ADAMTSL2: variants seen among roughly 807,000 people sequenced by gnomAD.
ADAMTSL2 encodes the protein ADAMTS like 2.
In ADAMTSL2, 55 loss-of-function variants were observed where a neutral mutation model predicts 117.0. The observed-to-expected ratio is 0.47, with a 90% CI of 0.38 to 0.59. The LOEUF (loss-of-function observed/expected upper bound fraction) is 0.59. Among genes scored for constraint, ADAMTSL2 ranks in the 20% least tolerant of loss-of-function variants. The pLI is 0.00. For missense variants in ADAMTSL2, 1,182 were observed against 1,354.5 expected, an observed-to-expected ratio of 0.87 and a Z score of 2.00; for synonymous variants, 572 against 566.4, an observed-to-expected ratio of 1.01 and a Z score of -0.14.
chr9:133,570,675 G>A (rs888899032), intron 17 of ADAMTSL2, among the ~76,000 whole-genome samples, 168 bp downstream of exon 17: 1 of 152,204 alleles, frequency 6.6e-6, no homozygotes, highest in Non-Finnish European at 1.5e-5. Context: ...ACGTCAGCTG[G>A]TGCGAGAGCC....
rs1233972231 is a variant in ADAMTSL2 at position 133,574,978 on chromosome 9, G to C, written c.*114G>C. The C allele has an allele frequency of 3.7e-6, 3 of 803,590 alleles. No individual in the cohort carries two copies. In the African/African-American group the frequency reaches 5.1e-5, roughly 14 times the overall value. The allele number at this position is 803,590 out of a possible 1,614,324, so 49.8% of individuals were successfully genotyped here. Reference sequence around the variant, plus strand: ...TGCGGGGCACGCTGGCCTAAGAGACGTGGCACTGAGCCTCGGCTGTCGAGA... The same window carrying C: ...TGCGGGGCACGCTGGCCTAAGAGACCTGGCACTGAGCCTCGGCTGTCGAGA... On this transcript the variant is annotated 3_prime_UTR_variant, in exon 19 of 19. Transcript: ENST00000651351.
rs371880431 is a variant in ADAMTSL2 at position 133,558,581 on chromosome 9, C to T, written c.1650-2617C>T. 2.7e-4 allele frequency among the ~76,000 whole-genome samples: 41 copies of T among 152,284 alleles called. No individual in the cohort carries two copies. The highest frequency in any genetic ancestry group is 9.4e-4 in the African/African-American group (39 of 41,554). The stretch of plus-strand genomic sequence containing the variant: ...TTTCTGGCTTGTTTATAAACAAACA[C>T]GGTGGCTTCAGAGCTTCTCCTGCCT... On this transcript the variant is annotated intron_variant, in intron 11 of 18. Coordinates refer to ENST00000651351, the MANE Select transcript of ADAMTSL2 (RefSeq NM_014694.4). The surrounding 1 kb of genome is among the most constrained non-coding windows in gnomAD (Gnocchi z 4.3).
At position 133,561,285 on chromosome 9, in the gene ADAMTSL2, C is replaced by T; in HGVS notation, c.1737C>T (p.Thr579=). The part of the protein sequence containing the change: ...KLSSHEPCSA[T]CTTGVMSAYA... ...CGTCCCACGAGCCCTGCAGTGCCAC[C>T]TGCACCACAGGTACTGGTCACGGGT... The change falls in exon 12 of 19, where the codon ACC becomes ACT. Residue 579 remains threonine, a synonymous_variant. Coordinates refer to ENST00000651351, the MANE Select transcript of ADAMTSL2 (RefSeq NM_014694.4). 1 of 1,596,106 alleles carries T rather than the reference C, an allele frequency of 6.3e-7. No individual in the cohort carries two copies. Among genetic ancestry groups the T allele is most frequent in the Non-Finnish European group, 8.5e-7 (1 of 1,171,516 alleles).
At chr9:133,542,971 GGA>G (rs1830260661) in intron 7 of ADAMTSL2, among the ~76,000 whole-genome samples, 1 of 150,722 alleles carries the variant, frequency 6.6e-6, no homozygotes, top group Non-Finnish European at 1.5e-5. Flanking sequence ...TTTTTGAGAC[GGA>G]GTTTTGTTCT....
intron 4 of ADAMTSL2, among the ~76,000 whole-genome samples, chr9:133,538,828 C>T (rs1564492667): frequency 6.6e-6 from 1 of 152,126 alleles, no homozygotes; most frequent in Non-Finnish European, 1.5e-5. Context: ...TAAAACAGTT[C>T]CCTGGGTTGC....
rs1830549703 is a variant in ADAMTSL2, at chr9:133,554,150, C to T, written c.940-207C>T. Among the ~76,000 whole-genome samples the T allele has an allele frequency of 6.6e-6, 1 of 152,220 alleles. No homozygotes were observed. Among genetic ancestry groups the T allele is most frequent in the Non-Finnish European group, 1.5e-5 (1 of 68,030 alleles). ...CACTCCCCCCACCACACATCCCCAG[C>T]CCCCGCCCTGTTCCCAGGCTCTTTG... On this transcript the variant is annotated intron_variant, in intron 9 of 18. Coordinates refer to ENST00000651351, the MANE Select transcript of ADAMTSL2 (RefSeq NM_014694.4). This position sits in a 1 kb window ranked among gnomAD's most constrained non-coding sequence, Gnocchi z 5.2.
At chr9:133,548,358 G>C (rs1830401905) in intron 9 of ADAMTSL2, among the ~76,000 whole-genome samples, 1 of 152,210 alleles carries the variant, frequency 6.6e-6, no homozygotes, top group African/African-American at 2.4e-5. Flanking sequence ...TCAAATGGGG[G>C]CCACGCATCT....
chr9:133,564,531 A>G (rs1375761211), intron 12 of ADAMTSL2, among the ~76,000 whole-genome samples: 1 of 78,600 alleles, frequency 1.3e-5, no homozygotes, highest in Non-Finnish European at 2.5e-5. Flanking sequence ...AGAGAGAGAG[A>G]GACAGAGAGG....
intron 3 of ADAMTSL2, 30 bp downstream of exon 3, chr9:133,537,577 G>C: frequency 7.5e-7 from 1 of 1,335,960 alleles, no homozygotes; most frequent in Non-Finnish European, 9.7e-7. Flanking sequence ...GCCCTGAGGG[G>C]ATGGCATGAG....
chr9:133,539,513 A>G (rs1290575947), intron 4 of ADAMTSL2, among the ~76,000 whole-genome samples: 1 of 152,084 alleles, frequency 6.6e-6, no homozygotes, highest in Non-Finnish European at 1.5e-5. Context: ...CGTGGTGGGG[A>G]CTGGGAGGGT....
upstream of ADAMTSL2, chr9:133,532,392 T>G (rs1225780810): frequency 6.6e-6 from 1 of 152,244 alleles, no homozygotes; most frequent in Non-Finnish European, 1.5e-5. Flanking sequence ...AGACAGGATT[T>G]TACCATGTTG....
In ADAMTSL2 at chr9:133,567,176, C is replaced by T. The variant is rs3829100; in HGVS notation, c.1874+114C>T. 1,068 of 1,360,192 alleles carry T rather than the reference C, an allele frequency of 7.9e-4. 9 individuals are homozygous for T. In the East Asian group the frequency reaches 0.021, roughly 26 times the overall value. 84.3% of individuals were successfully genotyped at this position (1,360,192 alleles called of 1,614,324 possible). Reference sequence around the variant, plus strand: ...CGTAGAGGTTCTTCGTGTGCAGGGCCGTGGGGGCTCTTCGAGGAGGGGCAT... The same window carrying T: ...CGTAGAGGTTCTTCGTGTGCAGGGCTGTGGGGGCTCTTCGAGGAGGGGCAT... On this transcript the variant is annotated intron_variant, in intron 13 of 18. Transcript: ENST00000651351.
At chr9:133,533,354 A>G (rs553156172), upstream of ADAMTSL2, among the ~76,000 whole-genome samples, 2 of 152,254 alleles carry the variant, frequency 1.3e-5, no homozygotes, top group South Asian at 2.1e-4. Context: ...CAGCAGGAGA[A>G]TGAGATGAAT....
chr9:133,543,814 CCTT>C (rs768154804), intron 7 of ADAMTSL2, among the ~76,000 whole-genome samples: 11 of 152,250 alleles, frequency 7.2e-5, no homozygotes, highest in Non-Finnish European at 1.3e-4. Context: ...CAATGCCTCT[CCTT>C]CTCTGAGCAC....
chr9:133,532,703 T>C (rs1422848733), upstream of ADAMTSL2: 1 of 152,222 alleles, frequency 6.6e-6, no homozygotes, highest in Non-Finnish European at 1.5e-5. Context: ...GCCCCTGGCA[T>C]CAGGAGCTAC....
At chr9:133,533,799 G>A (rs552007561), upstream of ADAMTSL2, among the ~76,000 whole-genome samples, 9 of 152,354 alleles carry the variant, frequency 5.9e-5, no homozygotes, top group Admixed American at 5.9e-4. Context: ...AAAAGACACA[G>A]ATGACCTGAT....
chr9:133,570,774 C>T (rs940646652), intron 17 of ADAMTSL2, among the ~76,000 whole-genome samples: 2 of 152,176 alleles, frequency 1.3e-5, no homozygotes, highest in Admixed American at 6.5e-5. Context: ...ACTCCGGCCT[C>T]GAATTGTGGC....
intron 9 of ADAMTSL2, among the ~76,000 whole-genome samples, chr9:133,551,868 T>A (rs1262499723): frequency 6.7e-6 from 1 of 148,946 alleles, no homozygotes; most frequent in Non-Finnish European, 1.5e-5. Context: ...CTTACCCTGT[T>A]GCCCAGGCTG....
intron 7 of ADAMTSL2, among the ~76,000 whole-genome samples, chr9:133,543,311 G>A (rs916726818): frequency 1.3e-5 from 2 of 152,210 alleles, no homozygotes; most frequent in Non-Finnish European, 2.9e-5. Flanking sequence ...CAGGTTGGTA[G>A]TGCAAACAAA....
Sources: allele counts gnomAD v4.1 joint callset (sites outside exome capture counted in the v4.1 genomes callset), GRCh38; gene constraint gnomAD v4.1.1; non-coding constraint Gnocchi (gnomAD v3.1); transcripts MANE v1.5; gene names NCBI Gene and HGNC (gene_info 2026-07-23, HGNC 2026-07-21).